SLC25A12: variants seen among roughly 807,000 people sequenced by gnomAD.
The protein encoded by SLC25A12 is solute carrier family 25 member 12.
A neutral mutation model predicts 83.3 loss-of-function variants in SLC25A12; 32 were observed. The ratio of observed to expected loss-of-function variants is 0.38; its 90% confidence interval spans 0.29 to 0.52. The LOEUF (loss-of-function observed/expected upper bound fraction) is 0.52. Ranked by LOEUF, SLC25A12 falls within the 20% of genes least tolerant of loss-of-function variation. The pLI, the probability that SLC25A12 is intolerant of heterozygous loss-of-function variation, is 0.84. For synonymous variants in SLC25A12, 267 were observed against 291.1 expected, an observed-to-expected ratio of 0.92 and a Z score of 0.84; for missense variants, 611 against 835.6, an observed-to-expected ratio of 0.73 and a Z score of 3.31.
rs191835994 is a variant in SLC25A12 at position 171,796,167 on chromosome 2, G to A, written c.1306-2400C>T. Among the ~76,000 whole-genome samples, 74 of 152,246 alleles carry A rather than the reference G, an allele frequency of 4.9e-4. No individual in the cohort carries two copies. The East Asian group carries it at 0.011, about 23-fold the overall frequency. Reference sequence around the variant, plus strand: ...TTACCATGTTGCCCAGGCTGATCTCGAACTGCTAGGCTCAAGCGATCCACT... The same window carrying A: ...TTACCATGTTGCCCAGGCTGATCTCAAACTGCTAGGCTCAAGCGATCCACT... On this transcript the variant is annotated intron_variant, in intron 13 of 17. Coordinates refer to ENST00000422440, the MANE Select transcript of SLC25A12 (RefSeq NM_003705.5).
intron 9 of SLC25A12, among the ~76,000 whole-genome samples, chr2:171,820,143 G>A (rs896667766): frequency 2.0e-5 from 3 of 152,242 alleles, no homozygotes; most frequent in African/African-American, 7.2e-5. Context: ...ATACCTGGGT[G>A]ATGGAATACT....
At chr2:171,806,100 G>A (rs143998984) in intron 13 of SLC25A12, among the ~76,000 whole-genome samples, 46 of 152,250 alleles carry the variant, frequency 3.0e-4, no homozygotes, top group African/African-American at 1.0e-3. Flanking sequence ...GCAACAGACT[G>A]AGATCCTGTC....
intron 4 of SLC25A12, among the ~76,000 whole-genome samples, chr2:171,851,695 C>T (rs561066310): frequency 3.3e-5 from 5 of 152,112 alleles, no homozygotes; most frequent in East Asian, 1.9e-4. Context: ...CCACCACACC[C>T]GGCTAATTTT....
At chr2:171,891,556 G>A (rs369306420) in intron 2 of SLC25A12, among the ~76,000 whole-genome samples, 1 of 152,130 alleles carries the variant, frequency 6.6e-6, no homozygotes, top group African/African-American at 2.4e-5. Context: ...ATAAATGCAG[G>A]GCTGGGAATT....
chr2:171,802,896 T>A (rs1574682522), intron 13 of SLC25A12, among the ~76,000 whole-genome samples: 1 of 152,356 alleles, frequency 6.6e-6, no homozygotes, highest in Non-Finnish European at 1.5e-5. Context: ...TTTCCTGTAG[T>A]AAGTGAGAGT....
At chr2:171,837,393 A>T in intron 5 of SLC25A12, 126 bp from the exon 6 acceptor site, 1 of 1,012,566 alleles carries the variant, frequency 9.9e-7, no homozygotes, top group Non-Finnish European at 1.5e-6. Context: ...CAATGCACAG[A>T]TCTGAATTTG....
chr2:171,837,252 G>A lies in SLC25A12; in HGVS notation c.481C>T (p.His161Tyr). Residue 161 changes from histidine to tyrosine, a missense_variant, in exon 6 of 18, where the codon CAT (histidine) becomes TAT (tyrosine). By Grantham distance (83) the His-to-Tyr change is moderately conservative. Around this residue, in one of 3 missense-constraint regions of SLC25A12, gnomAD observed 540 missense variants for 777.5 expected, o/e 0.69. Transcript: ENST00000422440. ...TTGAGTGCAAAGGCTTGTCTTGCATGTTCCAATTGCAGCTCCTGTGAGGAA... is the reference window on the plus strand; with the variant it reads ...TTGAGTGCAAAGGCTTGTCTTGCATATTCCAATTGCAGCTCCTGTGAGGAA... ...TQFLQELQLEHARQAFALKDK... is the reference protein window; with the variant it reads ...TQFLQELQLEYARQAFALKDK... 1.9e-6 allele frequency: 3 copies of A among 1,614,068 alleles called. No individual in the cohort carries two copies. Among genetic ancestry groups the A allele is most frequent in the Non-Finnish European group, 2.5e-6 (3 of 1,179,964 alleles).
At chr2:171,879,026 A>G (rs922359743) in intron 2 of SLC25A12, among the ~76,000 whole-genome samples, 2 of 152,216 alleles carry the variant, frequency 1.3e-5, no homozygotes, top group Admixed American at 6.5e-5. Context: ...TGTTAGTTCA[A>G]TTAGAATAAA....
At chr2:171,851,659 C>T (rs1241281424) in intron 4 of SLC25A12, among the ~76,000 whole-genome samples, 5 of 151,992 alleles carry the variant, frequency 3.3e-5, no homozygotes, top group Admixed American at 1.3e-4. Context: ...CTCAGCCTCC[C>T]GAGTAGCTGG....
At position 171,879,575 on chromosome 2, in the gene SLC25A12, A is replaced by G. The variant is rs562284469; in HGVS notation, c.67-10752T>C. Reference sequence around the variant, plus strand: ...TTGGAAATAAAATAATGACCCAAAGAACCCAATAACTGGAACTAGAATGCT... The same window carrying G: ...TTGGAAATAAAATAATGACCCAAAGGACCCAATAACTGGAACTAGAATGCT... On this transcript the variant is annotated intron_variant, in intron 2 of 17. Transcript: ENST00000422440. 1.1e-4 allele frequency among the ~76,000 whole-genome samples: 16 copies of G among 152,318 alleles called. No individual in the cohort carries two copies. The South Asian group carries it at 3.3e-3, about 32-fold the overall frequency.
At chr2:171,862,424 C>T (rs1685181778) in intron 3 of SLC25A12, among the ~76,000 whole-genome samples, 1 of 152,278 alleles carries the variant, frequency 6.6e-6, no homozygotes, top group African/African-American at 2.4e-5. Flanking sequence ...TACTTTTAGA[C>T]AACTGATTGT....
intron 13 of SLC25A12, among the ~76,000 whole-genome samples, chr2:171,806,981 C>T (rs1347312586): frequency 1.3e-5 from 2 of 152,200 alleles, no homozygotes; most frequent in African/African-American, 4.8e-5. Context: ...ATGTCCCATA[C>T]AGCCTGATAT....
rs3058854 is a variant in SLC25A12 at position 171,801,907 on chromosome 2, CTGTGTGTGTGTGTG to C, written c.1305+7685_1305+7698del. ...ATTGGAAGTCGAGGAATATCTGGATCTGTGTGTGTGTGTGTGTGTGTGTGTGTGTGTGTGTGTGT... is the reference window on the plus strand; with the variant it reads ...ATTGGAAGTCGAGGAATATCTGGATCTGTGTGTGTGTGTGTGTGTGTGTGT... On this transcript the variant is annotated intron_variant, in intron 13 of 17. Transcript: ENST00000422440. 3.8e-3 allele frequency among the ~76,000 whole-genome samples: 553 copies of C among 145,492 alleles called. 3 individuals are homozygous for C. Among genetic ancestry groups the C allele is most frequent in the African/African-American group, 0.012 (480 of 39,238 alleles).
chr2:171,809,709 T>C, intron 12 of SLC25A12, 23 bp from the exon 13 acceptor site: 1 of 1,557,480 alleles, frequency 6.4e-7, no homozygotes. Context: ...ACAACATCAG[T>C]TAACCAAAAT....
chr2:171,816,929 T>C (rs1168902278), intron 9 of SLC25A12, among the ~76,000 whole-genome samples: 1 of 152,154 alleles, frequency 6.6e-6, no homozygotes, highest in Non-Finnish European at 1.5e-5. Flanking sequence ...TGTGATTGTA[T>C]GTGATGTGAA....
intron 9 of SLC25A12, among the ~76,000 whole-genome samples, chr2:171,820,054 G>A (rs970224449): frequency 1.1e-4 from 16 of 152,010 alleles, no homozygotes; most frequent in Non-Finnish European, 2.4e-4. Context: ...AGGAAACAAC[G>A]GACACTGGGG....
intron 15 of SLC25A12, among the ~76,000 whole-genome samples, chr2:171,790,893 C>T (rs572179850): frequency 3.1e-4 from 47 of 151,822 alleles, no homozygotes; most frequent in South Asian, 6.3e-4. Flanking sequence ...AAAGTGTTAA[C>T]GATTAGAAAA....
chr2:171,849,622 G>A (rs1573980817), intron 4 of SLC25A12, among the ~76,000 whole-genome samples: 1 of 144,738 alleles, frequency 6.9e-6, no homozygotes, highest in Admixed American at 7.1e-5. Context: ...GTGGTGCAGT[G>A]GCACAATCTC....
intron 2 of SLC25A12, among the ~76,000 whole-genome samples, chr2:171,884,405 G>A (rs1685768442): frequency 1.3e-5 from 2 of 151,470 alleles, no homozygotes; most frequent in South Asian, 4.2e-4. Flanking sequence ...TGTCCAGGCT[G>A]GTCTCGAACT....
Sources: gnomAD v4.1 joint callset for allele counts (sites outside exome capture counted in the v4.1 genomes callset) on GRCh38, gnomAD v4.1.1 for gene constraint, gnomAD v4.1.1 regional missense constraint, MANE v1.5 for transcripts, NCBI Gene and HGNC (gene_info 2026-07-23, HGNC 2026-07-21) for gene names.